PTPRN2: variants seen among roughly 807,000 people sequenced by gnomAD.
The protein encoded by PTPRN2 is receptor-type tyrosine-protein phosphatase N2.
A neutral mutation model predicts 118.8 loss-of-function variants in PTPRN2; 74 were observed. That is an observed-to-expected ratio of 0.62 (90% CI 0.52 to 0.76). PTPRN2 has a LOEUF of 0.76. PTPRN2 is among the 30% of genes least tolerant of loss of function. The pLI, the probability that PTPRN2 is intolerant of heterozygous loss-of-function variation, is 0.00. For missense variants in PTPRN2, 1,481 were observed against 1,394.4 expected (o/e 1.06, Z -0.99); for synonymous variants, 641 against 608.0 (o/e 1.05, Z -0.80).
At chr7:158,532,799 C>G in intron 1 of PTPRN2, 1 of 534,708 alleles carries the variant, frequency 1.9e-6, no homozygotes, top group Admixed American at 1.9e-5. Context: ...GTGTTAAATG[C>G]GTGCAGGCTT....
At chr7:157,684,495 G>A (rs1325736812) in intron 12 of PTPRN2, among the ~76,000 whole-genome samples, 2 of 151,804 alleles carry the variant, frequency 1.3e-5, no homozygotes, top group African/African-American at 4.8e-5. Context: ...CCCGAACCCC[G>A]TTTGGTCCGG....
At chr7:157,705,243 T>G (rs1798265922) in intron 12 of PTPRN2, among the ~76,000 whole-genome samples, 1 of 152,062 alleles carries the variant, frequency 6.6e-6, no homozygotes, top group African/African-American at 2.4e-5. Context: ...GAGGTGGAGG[T>G]TGCAGTGAGC....
chr7:157,979,985 T>C (rs762500784), intron 11 of PTPRN2, among the ~76,000 whole-genome samples: 19 of 152,182 alleles, frequency 1.2e-4, no homozygotes, highest in Non-Finnish European at 2.2e-4. Flanking sequence ...AGATAACTAA[T>C]AGAGTCTATT....
At chr7:157,576,587 C>G (rs367800731) in intron 19 of PTPRN2, 26 bp downstream of exon 19, 1 of 1,591,868 alleles carries the variant, frequency 6.3e-7, no homozygotes, top group Non-Finnish European at 8.6e-7. Flanking sequence ...GCGCGCACTG[C>G]CCTGCCGGCG....
At chr7:158,559,448 G>A (rs1307216744) in intron 1 of PTPRN2, among the ~76,000 whole-genome samples, 1 of 152,124 alleles carries the variant, frequency 6.6e-6, no homozygotes, top group African/African-American at 2.4e-5. Flanking sequence ...CCACCATGAG[G>A]CACATCCACT....
chr7:157,737,552 C>T (rs746010458), intron 12 of PTPRN2, among the ~76,000 whole-genome samples: 7 of 152,264 alleles, frequency 4.6e-5, no homozygotes, highest in Non-Finnish European at 7.3e-5. Flanking sequence ...GAGGCGAGGA[C>T]GCAGCAGCAA....
intron 22 of PTPRN2, among the ~76,000 whole-genome samples, chr7:157,547,834 G>A (rs896611026): frequency 1.3e-5 from 2 of 152,048 alleles, no homozygotes; most frequent in South Asian, 2.1e-4. Context: ...GAGCAAGGCC[G>A]CTGGCGCTCT....
At position 157,764,800 on chromosome 7, in the gene PTPRN2, G is replaced by A. The variant is rs1217059513; in HGVS notation, c.1789-81863C>T. ...TGGCATACAGCAGGGGACAGGAGCCGATTGTCTGTCCTACAGCTGGGAAAT... is the reference window on the plus strand; with the variant it reads ...TGGCATACAGCAGGGGACAGGAGCCAATTGTCTGTCCTACAGCTGGGAAAT... On this transcript the variant is annotated intron_variant, in intron 12 of 22. Coordinates refer to ENST00000389418, the MANE Select transcript of PTPRN2 (RefSeq NM_002847.5). This position sits in a 1 kb window ranked among gnomAD's most constrained non-coding sequence, Gnocchi z 4.5. Among the ~76,000 whole-genome samples, 1 of 152,092 alleles carries A rather than the reference G, an allele frequency of 6.6e-6. No homozygotes were observed. The highest frequency in any genetic ancestry group is 1.5e-5 in the Non-Finnish European group (1 of 68,018).
At chr7:158,266,450 C>T (rs112087607) in intron 3 of PTPRN2, among the ~76,000 whole-genome samples, 4,256 of 145,372 alleles carry the variant, frequency 0.029, 136 homozygotes, top group East Asian at 0.081. Flanking sequence ...GTGTCTGCTG[C>T]GGGGTGTTGT....
At chr7:158,439,196 T>C (rs1016783479) in intron 2 of PTPRN2, among the ~76,000 whole-genome samples, 5 of 152,120 alleles carry the variant, frequency 3.3e-5, no homozygotes, top group African/African-American at 7.2e-5. Context: ...CCCTAAAATG[T>C]ATAAAAGCAA....
rs1796548290 is a variant in PTPRN2 at position 157,674,177 on chromosome 7, A to G, written c.2001+8548T>C. ...AACCCCCAACACAGCAGGGGAGGGA[A>G]GGAGGAGGCGGGGCTCACAGAGCAG... On this transcript the variant is annotated intron_variant, in intron 13 of 22. Transcript: ENST00000389418. The surrounding 1 kb of genome is among the most constrained non-coding windows in gnomAD (Gnocchi z 4.5). Among the ~76,000 whole-genome samples, 1 of 152,032 alleles carries G rather than the reference A, an allele frequency of 6.6e-6. No homozygotes were observed. Among genetic ancestry groups the G allele is most frequent in the Non-Finnish European group, 1.5e-5 (1 of 67,992 alleles).
intron 2 of PTPRN2, among the ~76,000 whole-genome samples, chr7:158,442,999 C>T (rs901016935): frequency 2.1e-4 from 31 of 145,584 alleles, no homozygotes; most frequent in East Asian, 8.1e-4. Context: ...CCTAGAAAGA[C>T]GGTACTAAAG....
intron 13 of PTPRN2, among the ~76,000 whole-genome samples, chr7:157,657,011 CCA>C (rs1314615479): frequency 2.3e-4 from 29 of 125,596 alleles, no homozygotes; most frequent in African/African-American, 4.0e-4. Flanking sequence ...CACACATACG[CCA>C]CACACACACC....
At chr7:158,569,728 A>ACAGGAACTCGGGGCGCGAGGCCGC (rs1563444156) in intron 1 of PTPRN2, among the ~76,000 whole-genome samples, 1 of 5,358 alleles carries the variant, frequency 1.9e-4, no homozygotes, top group Non-Finnish European at 5.2e-4. Context: ...AGGCCGCCTG[A>ACAGGAACTCGGGGCGCGAGGCCGC]CTGACAGGAA....
rs1372835526 is a variant in PTPRN2 at position 157,590,019 on chromosome 7, TGTC to T, written c.2496+5216_2496+5218del. Among the ~76,000 whole-genome samples, 1 of 152,246 alleles carries T rather than the reference TGTC, an allele frequency of 6.6e-6. No homozygotes were observed. The highest frequency in any genetic ancestry group is 2.4e-5 in the African/African-American group (1 of 41,460). Reference sequence around the variant, plus strand: ...GCTTCTTTTTCTGTTGTGTTTTGAATGTCAGCACCCTTTTTGAATTTATGATTG... The same window carrying T: ...GCTTCTTTTTCTGTTGTGTTTTGAATAGCACCCTTTTTGAATTTATGATTG... On this transcript the variant is annotated intron_variant, in intron 17 of 22. Transcript: ENST00000389418. The surrounding 1 kb of genome is among the most constrained non-coding windows in gnomAD (Gnocchi z 4.0).
rs951657306 is a variant in PTPRN2 at position 157,587,312 on chromosome 7, C to T, written c.2496+7926G>A. 6.6e-5 allele frequency among the ~76,000 whole-genome samples: 10 copies of T among 152,088 alleles called. No homozygotes were observed. Among genetic ancestry groups the T allele is most frequent in the Non-Finnish European group, 1.0e-4 (7 of 68,032 alleles). The stretch of plus-strand genomic sequence containing the variant: ...CGAGCCACTGGTGCCGGGTGGTGGG[C>T]GGCCCTGCACGGTGACAGTCAGCTG... On this transcript the variant is annotated intron_variant, in intron 17 of 22. Coordinates refer to ENST00000389418, the MANE Select transcript of PTPRN2 (RefSeq NM_002847.5). This position sits in a 1 kb window ranked among gnomAD's most constrained non-coding sequence, Gnocchi z 5.3.
chr7:157,656,498 CG>C lies in PTPRN2; in HGVS notation c.2054del (p.Pro685ArgfsTer46). 1 of 1,553,320 alleles carries C rather than the reference CG, an allele frequency of 6.4e-7. No individual in the cohort carries two copies. Among genetic ancestry groups the C allele is most frequent in the East Asian group, 2.4e-5 (1 of 41,678 alleles). ...ATRPPDRPEG[P>X]HTSRISSVSS... ...AGACGCTGCTGATGCGTGACGTGTG[CG>C]GGCCCTCAGGTCGGTCTGGTGGCCG... On this transcript the variant is annotated frameshift_variant, in exon 14 of 23. Transcript: ENST00000389418. LOFTEE classifies it high-confidence loss of function.
chr7:157,740,716 G>A (rs906019919), intron 12 of PTPRN2, among the ~76,000 whole-genome samples: 4 of 152,182 alleles, frequency 2.6e-5, no homozygotes, highest in African/African-American at 9.6e-5. Flanking sequence ...ACGAGCTAAT[G>A]AGAGGGTGGA....
intron 1 of PTPRN2, chr7:158,539,394 G>C (rs1214931538): frequency 1.3e-5 from 2 of 152,276 alleles, no homozygotes; most frequent in Non-Finnish European, 2.9e-5. Flanking sequence ...TCAAAAACAA[G>C]CCTTTTGTTT....
Sources: gnomAD v4.1 joint callset for allele counts (sites outside exome capture counted in the v4.1 genomes callset) on GRCh38, gnomAD v4.1.1 for gene constraint, Gnocchi (gnomAD v3.1) non-coding constraint, MANE v1.5 for transcripts, NCBI Gene and HGNC (gene_info 2026-07-23, HGNC 2026-07-21) for gene names.